Variants in TFRC observed in about 807,000 individuals in gnomAD.
TFRC encodes the protein transferrin receptor protein 1.
In TFRC, 35 loss-of-function variants were observed where a neutral mutation model predicts 85.8. The ratio of observed to expected loss-of-function variants is 0.41; its 90% CI spans 0.31 to 0.54. The LOEUF (loss-of-function observed/expected upper bound fraction) is 0.54. TFRC is among the 20% of genes least tolerant of loss of function. The pLI, the probability that TFRC is intolerant of heterozygous loss-of-function variation, is 0.31. For synonymous variants in TFRC, 362 were observed against 328.6 expected (o/e 1.10, Z -1.10); for missense variants, 828 against 921.5 (o/e 0.90, Z 1.31).
At chr3:196,070,694 C>T (rs1461487366) in intron 6 of TFRC, among the ~76,000 whole-genome samples, 5 of 151,196 alleles carry the variant, frequency 3.3e-5, no homozygotes, top group Non-Finnish European at 5.9e-5. Flanking sequence ...CTTTGGGAGG[C>T]TGAGGGTGGT....
rs1256601734 is a variant in TFRC, at chr3:196,079,322, G to A, written c.-23-2200C>T. Reference sequence around the variant, plus strand: ...TTTAAATTAATTTTAAGAACACAAAGCGATGGCCGGGCATGGTGGCTCACG... The same window carrying A: ...TTTAAATTAATTTTAAGAACACAAAACGATGGCCGGGCATGGTGGCTCACG... On this transcript the variant is annotated intron_variant, in intron 1 of 18. Coordinates refer to ENST00000360110, the MANE Select transcript of TFRC (RefSeq NM_001128148.3). Among the ~76,000 whole-genome samples, 5 of 152,258 alleles carry A rather than the reference G, an allele frequency of 3.3e-5. No homozygotes were observed. In the East Asian group the frequency reaches 9.6e-4, roughly 29 times the overall value.
chr3:196,068,059 A>T lies in TFRC; in HGVS notation c.873T>A (p.Val291=), dbSNP rs1717879667. The part of the protein sequence containing the change: ...IYMDQTKFPI[V]NAELSFFGHA... ...GTCCAAAGAATGAAAGTTCTGCGTT[A>T]ACAATGGGAAATTTAGTCTGGTCCA... is the stretch of plus-strand genomic sequence containing the variant. The change falls in exon 8 of 19, where the codon GTT becomes GTA. Residue 291 remains valine (V), a synonymous_variant. Transcript: ENST00000360110. The T allele has an allele frequency of 6.2e-7, 1 of 1,613,214 alleles. No homozygotes were observed. Among genetic ancestry groups the T allele is most frequent in the African/African-American group, 1.3e-5 (1 of 74,926 alleles).
chr3:196,055,732 C>T (rs970429908), intron 16 of TFRC, among the ~76,000 whole-genome samples: 4 of 151,272 alleles, frequency 2.6e-5, no homozygotes, highest in Admixed American at 6.6e-5. Context: ...AGCCTTGAGA[C>T]AAGGTCTCTC....
In TFRC at chr3:196,051,632, T is replaced by C; in HGVS notation, c.*310A>G. The C allele has an allele frequency of 2.8e-6, 1 of 357,564 alleles. No individual in the cohort carries two copies. The highest frequency in any genetic ancestry group is 5.1e-6 in the Non-Finnish European group (1 of 194,634). The allele number at this position is 357,564 out of a possible 1,614,324, so 22.1% of individuals were successfully genotyped here. On this transcript the variant is annotated 3_prime_UTR_variant, in exon 19 of 19. Transcript: ENST00000360110. ...TTAGGATTCAGAGAGATCATTCACA[T>C]AACTGGTTTCTGACATTTTCATTAA...
intron 9 of TFRC, among the ~76,000 whole-genome samples, chr3:196,066,103 T>C (rs1251281230): frequency 7.0e-6 from 1 of 143,556 alleles, no homozygotes; most frequent in Admixed American, 7.3e-5. Flanking sequence ...AAACCATTAA[T>C]TAAGCAATAT....
chr3:196,077,347 C>T lies in TFRC; in HGVS notation c.-23-225G>A, dbSNP rs41300433. ...TTTCTTTTTGTAGAGACAAGGTCAC[C>T]CTATGTTGCCCAGGCTGGTCTTGAA... On this transcript the variant is annotated intron_variant, in intron 1 of 18. Transcript: ENST00000360110. 2.3e-4 allele frequency among the ~76,000 whole-genome samples: 35 copies of T among 151,830 alleles called. No homozygotes were observed. In the East Asian group the frequency reaches 6.1e-3, roughly 26 times the overall value.
intron 16 of TFRC, among the ~76,000 whole-genome samples, chr3:196,056,143 C>A (rs1187848185): frequency 6.6e-6 from 1 of 152,312 alleles, no homozygotes; most frequent in South Asian, 2.1e-4. Context: ...AAGTGACCCC[C>A]CTGCCTCAGC....
Position 196,051,995 on chromosome 3 carries a change from C to T in TFRC, c.2230G>A (p.Gly744Arg). 17 of 1,614,132 alleles carry T rather than the reference C, an allele frequency of 1.1e-5. No homozygotes were observed. The highest frequency in any genetic ancestry group is 1.4e-5 in the Non-Finnish European group (17 of 1,180,030). Residue 744 changes from glycine (G) to arginine (R), a missense_variant, in exon 19 of 19, where the codon GGA becomes AGA. By Grantham distance (125) the Gly-to-Arg change is moderately radical. Coordinates refer to ENST00000360110, the MANE Select transcript of TFRC (RefSeq NM_001128148.3). ...QLALATWTIQ[G>R]AANALSGDVW... ...TCACCAGAGAGGGCATTTGCAGCTC[C>T]CTGAATAGTCCAAGTAGCTAGAGCC...
intron 4 of TFRC, 57 bp from the exon 5 acceptor site, chr3:196,072,209 A>C (rs1718273725): frequency 6.3e-7 from 1 of 1,588,398 alleles, no homozygotes. Flanking sequence ...TAAACATTTA[A>C]GTCAAGGATT....
intron 9 of TFRC, among the ~76,000 whole-genome samples, chr3:196,067,100 T>G (rs770730310): frequency 1.1e-4 from 17 of 152,226 alleles, no homozygotes; most frequent in Non-Finnish European, 2.2e-4. Context: ...ACAAGGTAAC[T>G]GGAATCATAC....
rs764649171 is a variant in TFRC at position 196,077,050 on chromosome 3, T to G, written c.36+14A>C. On this transcript the variant is annotated intron_variant, in intron 2 of 18. Transcript: ENST00000360110. Reference sequence around the variant, plus strand: ...ATTCTTGCAGACACAGAAATACAACTGAAAATATCTTACCAAGTTAGAGAA... The same window carrying G: ...ATTCTTGCAGACACAGAAATACAACGGAAAATATCTTACCAAGTTAGAGAA... 1 of 1,612,944 alleles carries G rather than the reference T, an allele frequency of 6.2e-7. No individual in the cohort carries two copies. The highest frequency in any genetic ancestry group is 8.5e-7 in the Non-Finnish European group (1 of 1,179,242).
intron 4 of TFRC, among the ~76,000 whole-genome samples, chr3:196,072,475 G>C (rs1035662369): frequency 6.6e-6 from 1 of 152,182 alleles, no homozygotes; most frequent in Non-Finnish European, 1.5e-5. Flanking sequence ...TAGTAATACT[G>C]TGCTGAACAG....
intron 17 of TFRC, among the ~76,000 whole-genome samples, chr3:196,054,299 G>T (rs1650127612): frequency 2.6e-5 from 4 of 152,146 alleles, no homozygotes; most frequent in Admixed American, 1.3e-4. Context: ...CAGCTACCTG[G>T]GGAGCCGAGG....
intron 5 of TFRC, 108 bp downstream of exon 5, chr3:196,071,895 C>T: frequency 7.2e-6 from 9 of 1,248,504 alleles, no homozygotes; most frequent in Non-Finnish European, 1.0e-5. Context: ...CAGAGCGAGA[C>T]TCCATTTCAA....
intron 1 of TFRC, among the ~76,000 whole-genome samples, chr3:196,081,154 T>C (rs1388329128): frequency 1.3e-5 from 2 of 152,192 alleles, no homozygotes; most frequent in Admixed American, 6.5e-5. Context: ...CGCCCATCAA[T>C]CCAGCACAGC....
At chr3:196,058,423 G>A (rs1288624657) in intron 15 of TFRC, 58 bp from the exon 16 acceptor site, 11 of 1,535,310 alleles carry the variant, frequency 7.2e-6, no homozygotes, top group East Asian at 2.3e-5. Context: ...CTGTTCTATC[G>A]TGCTAGTCCC....
chr3:196,080,294 G>A (rs1397985526), intron 1 of TFRC, among the ~76,000 whole-genome samples: 1 of 152,202 alleles, frequency 6.6e-6, no homozygotes, highest in Admixed American at 6.5e-5. Context: ...CGTAGAGACG[G>A]GGTTTCACCA....
Position 196,075,290 on chromosome 3 carries a change from A to G in TFRC, c.107T>C (p.Val36Ala). The G allele has an allele frequency of 6.2e-7, 1 of 1,614,138 alleles. No homozygotes were observed. The highest frequency in any genetic ancestry group is 8.5e-7 in the Non-Finnish European group (1 of 1,180,040). The change falls in exon 3 of 19, where the codon GTG becomes GCG. Residue 36 changes from valine to alanine, a missense_variant. Physicochemically the swap from Val to Ala is moderately conservative, Grantham distance 64. Coordinates refer to ENST00000360110, the MANE Select transcript of TFRC (RefSeq NM_001128148.3). ...ARQVDGDNSH[V>A]EMKLAVDEEE... is the part of the protein sequence containing the mutation. ...TTCATCTACAGCAAGTTTCATCTCCACATGACTGTTATCGCCATCTACTTG... is the reference window on the plus strand; with the variant it reads ...TTCATCTACAGCAAGTTTCATCTCCGCATGACTGTTATCGCCATCTACTTG...
rs1396335795 is a variant in TFRC, at chr3:196,074,603, C to A, written c.239-478G>T. Reference sequence around the variant, plus strand: ...GGCACTTAAAAAGGCATAAAGTGGACGGGAAAGTGGCTCATGCCTGTAATC... The same window carrying A: ...GGCACTTAAAAAGGCATAAAGTGGAAGGGAAAGTGGCTCATGCCTGTAATC... On this transcript the variant is annotated intron_variant, in intron 3 of 18. Transcript: ENST00000360110. 2.0e-5 allele frequency among the ~76,000 whole-genome samples: 3 copies of A among 152,060 alleles called. No homozygotes were observed. The South Asian group carries it at 6.2e-4, about 31-fold the overall frequency.
Sources: allele counts gnomAD v4.1 joint callset (sites outside exome capture counted in the v4.1 genomes callset), GRCh38; gene constraint gnomAD v4.1.1; transcripts MANE v1.5; gene names NCBI Gene and HGNC (gene_info 2026-07-23, HGNC 2026-07-21).